The following MSN variants were observed in gnomAD, a reference collection of about 807,000 sequenced individuals.
MSN encodes the protein epididymis luminal protein 70.
A neutral mutation model predicts 48.0 loss-of-function variants in MSN; 2 were observed. The ratio of observed to expected loss-of-function variants is 0.04; its 90% CI spans 0.02 to 0.13. The LOEUF is 0.13. MSN is among the 10% of genes least tolerant of loss of function. The pLI, the probability that MSN is intolerant of heterozygous loss-of-function variation, is 1.00. For synonymous variants in MSN, 146 were observed against 166.9 expected (o/e 0.87, Z 0.97); for missense variants, 267 against 470.1 (o/e 0.57, Z 3.99).
chrX:65,603,830 T>C (rs908229717), intron 1 of MSN, among the ~76,000 whole-genome samples: 6 of 111,944 alleles, frequency 5.4e-5, no homozygotes, highest in Non-Finnish European at 9.4e-5. Context: ...GCCTACAATA[T>C]AGTAGTCACA....
At chrX:65,638,195 A>G (rs756880257) in intron 1 of MSN, among the ~76,000 whole-genome samples, 2 of 112,660 alleles carry the variant, frequency 1.8e-5, no homozygotes, top group African/African-American at 6.4e-5. Context: ...TTGGTAGAAC[A>G]GTATTTTGTA....
intron 1 of MSN, among the ~76,000 whole-genome samples, chrX:65,660,917 T>A (rs1235556727): frequency 2.7e-5 from 3 of 111,908 alleles, no homozygotes; most frequent in Admixed American, 9.5e-5. Flanking sequence ...CCCCATTCAG[T>A]ATGACGTTGG....
At chrX:65,627,776 G>T (rs2070519973) in intron 1 of MSN, among the ~76,000 whole-genome samples, 1 of 111,938 alleles carries the variant, frequency 8.9e-6, no homozygotes. Context: ...AGTCTCACCT[G>T]AGACAAGGCA....
At chrX:65,625,622 C>T (rs2070497578) in intron 1 of MSN, 1 of 111,813 alleles carries the variant, frequency 8.9e-6, no homozygotes, top group Non-Finnish European at 1.9e-5. Flanking sequence ...TGCTTTTTCT[C>T]CATCCTTTTA....
chrX:65,668,937 G>C (rs1274579754), intron 1 of MSN, among the ~76,000 whole-genome samples: 1 of 111,143 alleles, frequency 9.0e-6, no homozygotes, highest in African/African-American at 3.3e-5. Flanking sequence ...AGGTGAGATA[G>C]TGACTAGTAG....
intron 1 of MSN, among the ~76,000 whole-genome samples, chrX:65,655,120 T>G (rs1016614630): frequency 2.7e-5 from 3 of 111,575 alleles, no homozygotes; most frequent in African/African-American, 9.8e-5. Flanking sequence ...AAAAAATTGT[T>G]GAATGAATGA....
chrX:65,588,785 C>T (rs2070118977), intron 1 of MSN: 1 of 227,196 alleles, frequency 4.4e-6, no homozygotes, highest in East Asian at 1.1e-4. Context: ...CCCCCACCCC[C>T]CAACCATTTG....
At chrX:65,718,612 G>A (rs903232941) in intron 2 of MSN, among the ~76,000 whole-genome samples, 1 of 110,328 alleles carries the variant, frequency 9.1e-6, no homozygotes, top group Admixed American at 9.6e-5. Context: ...GAGCCCAGGG[G>A]CTCGAGACCA....
intron 1 of MSN, among the ~76,000 whole-genome samples, chrX:65,599,933 C>G (rs910099134): frequency 1.8e-5 from 2 of 110,295 alleles, no homozygotes; most frequent in Non-Finnish European, 3.8e-5. Flanking sequence ...TGGCAGGCAG[C>G]CCTATGGAGG....
chrX:65,700,625 G>T (rs1214670546), intron 1 of MSN, among the ~76,000 whole-genome samples: 1 of 111,804 alleles, frequency 8.9e-6, no homozygotes, highest in Admixed American at 9.5e-5. Flanking sequence ...GAGAGCCAGG[G>T]ATTTATAGCT....
chrX:65,694,411 C>T (rs1400527988), intron 1 of MSN, among the ~76,000 whole-genome samples: 1 of 109,619 alleles, frequency 9.1e-6, no homozygotes, highest in Admixed American at 9.7e-5. Context: ...CTCACTGCAG[C>T]CTTTGCCTCC....
chrX:65,722,900 G>A (rs2071532394), intron 2 of MSN, among the ~76,000 whole-genome samples: 1 of 111,317 alleles, frequency 9.0e-6, no homozygotes, highest in Non-Finnish European at 1.9e-5. Flanking sequence ...AAGCTGACCT[G>A]ATCTCCGCTC....
intron 1 of MSN, among the ~76,000 whole-genome samples, chrX:65,711,631 A>G (rs935195559): frequency 3.5e-5 from 4 of 112,840 alleles, no homozygotes; most frequent in Non-Finnish European, 7.5e-5. Flanking sequence ...ACTTAATATG[A>G]TAATAAGCAC....
rs189114267 is a variant in MSN, at chrX:65,734,011, A to G, written c.795+731A>G. The stretch of plus-strand genomic sequence containing the variant: ...GGCTGTGGCCAAAGTCCAAATCTGA[A>G]GATGATCCTACAGACTTCTTGGTAG... On this transcript the variant is annotated intron_variant, in intron 7 of 12. Transcript: ENST00000360270. Among the ~76,000 whole-genome samples, 107 of 112,040 alleles carry G rather than the reference A, an allele frequency of 9.6e-4. 1 individual carries two copies. Among genetic ancestry groups the G allele is most frequent in the African/African-American group, 3.3e-3 (103 of 30,776 alleles).
chrX:65,655,546 G>A (rs2070774836), intron 1 of MSN, among the ~76,000 whole-genome samples: 1 of 112,102 alleles, frequency 8.9e-6, no homozygotes, highest in African/African-American at 3.2e-5. Flanking sequence ...GAGGACCTCA[G>A]TACTTTTTGA....
chrX:65,688,811 C>G (rs1306918255), intron 1 of MSN, among the ~76,000 whole-genome samples: 1 of 112,063 alleles, frequency 8.9e-6, no homozygotes, highest in Non-Finnish European at 1.9e-5. Context: ...AACTGGCTTC[C>G]TGTGTAACCC....
Position 65,685,723 on chromosome X carries a change from G to A in MSN, c.12+17870G>A, listed in dbSNP as rs147064645. 2.9e-3 allele frequency among the ~76,000 whole-genome samples: 320 copies of A among 111,955 alleles called. 2 individuals carry two copies. Among genetic ancestry groups the A allele is most frequent in the African/African-American group, 9.2e-3 (282 of 30,793 alleles). On this transcript the variant is annotated intron_variant, in intron 1 of 12. Coordinates refer to ENST00000360270, the MANE Select transcript of MSN (RefSeq NM_002444.3). The stretch of plus-strand genomic sequence containing the variant: ...CAGTTCTCATGCCTCAGCCTCCCAA[G>A]TATAGGCGTGCACCACTGTGCCTGG...
intron 1 of MSN, among the ~76,000 whole-genome samples, chrX:65,673,247 T>G (rs960802267): frequency 1.8e-5 from 2 of 111,899 alleles, no homozygotes; most frequent in African/African-American, 6.5e-5. Context: ...CATTTTTCAG[T>G]GACCGCCTGC....
At chrX:65,684,106 A>G (rs997588958) in intron 1 of MSN, among the ~76,000 whole-genome samples, 1 of 109,809 alleles carries the variant, frequency 9.1e-6, no homozygotes, top group Non-Finnish European at 1.9e-5. Context: ...ATGTCCAGCT[A>G]ATTTTTTCTA....
Sources: allele counts gnomAD v4.1 joint callset (sites outside exome capture counted in the v4.1 genomes callset), GRCh38; gene constraint gnomAD v4.1.1; transcripts MANE v1.5; gene names NCBI Gene and HGNC (gene_info 2026-07-23, HGNC 2026-07-21).